GRM7: variants seen among roughly 807,000 people sequenced by gnomAD.
GRM7 encodes glutamate metabotropic receptor 7, also known as metabotropic glutamate receptor 7.
A neutral mutation model predicts 84.5 loss-of-function variants in GRM7; 35 were observed. The observed-to-expected ratio is 0.41, with a 90% CI of 0.32 to 0.55. The LOEUF (loss-of-function observed/expected upper bound fraction) is 0.55. Among genes scored for constraint, GRM7 ranks in the 20% least tolerant of loss-of-function variants. The pLI is 0.19. For synonymous variants in GRM7, 487 were observed against 455.1 expected (o/e 1.07, Z -0.89); for missense variants, 1,003 against 1,194.6 (o/e 0.84, Z 2.36).
intron 1 of GRM7, among the ~76,000 whole-genome samples, chr3:6,895,839 G>A (rs1016781165): frequency 1.8e-4 from 28 of 151,942 alleles, no homozygotes; most frequent in African/African-American, 5.1e-4. Context: ...AAATGAACAT[G>A]TTTTGCTGTT....
intron 1 of GRM7, among the ~76,000 whole-genome samples, chr3:7,139,828 T>C (rs1043400981): frequency 6.6e-6 from 1 of 151,924 alleles, no homozygotes; most frequent in African/African-American, 2.4e-5. Flanking sequence ...TGAGGCTTCA[T>C]CAAACTAAAA....
chr3:7,011,309 T>C (rs1207825127), intron 1 of GRM7, among the ~76,000 whole-genome samples: 1 of 152,178 alleles, frequency 6.6e-6, no homozygotes, highest in East Asian at 1.9e-4. Flanking sequence ...GTAGAAGAGC[T>C]CTCTGTAAAT....
At chr3:7,540,792 C>T (rs1559389985) in intron 7 of GRM7, among the ~76,000 whole-genome samples, 1 of 152,068 alleles carries the variant, frequency 6.6e-6, no homozygotes, top group Non-Finnish European at 1.5e-5. Context: ...TTAATTCATC[C>T]AGCAAGTGAT....
intron 1 of GRM7, among the ~76,000 whole-genome samples, chr3:7,019,166 T>C (rs1226237243): frequency 6.6e-6 from 1 of 152,198 alleles, no homozygotes; most frequent in Non-Finnish European, 1.5e-5. Context: ...TTGCATGAAT[T>C]GTCACAATTT....
chr3:7,564,322 A>C (rs1017341885), intron 7 of GRM7, among the ~76,000 whole-genome samples: 2 of 152,126 alleles, frequency 1.3e-5, no homozygotes, highest in African/African-American at 4.8e-5. Context: ...TACTGTCTCC[A>C]TTTCACAGAT....
At chr3:7,592,798 G>A (rs1484134596) in intron 8 of GRM7, among the ~76,000 whole-genome samples, 6 of 152,036 alleles carry the variant, frequency 3.9e-5, no homozygotes, top group South Asian at 4.2e-4. Context: ...ATATGGAACC[G>A]AGAAACCTTC....
At chr3:7,292,115 T>G (rs1699653219) in intron 2 of GRM7, among the ~76,000 whole-genome samples, 1 of 152,142 alleles carries the variant, frequency 6.6e-6, no homozygotes, top group African/African-American at 2.4e-5. Context: ...TACCCAACCT[T>G]GGGTATGTTT....
At chr3:7,227,626 C>T (rs1284498628) in intron 2 of GRM7, among the ~76,000 whole-genome samples, 1 of 152,158 alleles carries the variant, frequency 6.6e-6, no homozygotes, top group Non-Finnish European at 1.5e-5. Flanking sequence ...ACATAAAGTG[C>T]TTATCATCAT....
intron 8 of GRM7, among the ~76,000 whole-genome samples, chr3:7,613,949 G>T (rs1272893210): frequency 2.0e-5 from 3 of 152,062 alleles, no homozygotes; most frequent in Non-Finnish European, 4.4e-5. Context: ...GAACCTAAAG[G>T]CAGTCATTGG....
intron 6 of GRM7, among the ~76,000 whole-genome samples, chr3:7,458,950 G>A (rs550759099): frequency 2.0e-4 from 31 of 152,176 alleles, no homozygotes; most frequent in Middle Eastern, 3.4e-3. Context: ...TTATATGCTC[G>A]CAAGACTTGT....
intron 8 of GRM7, among the ~76,000 whole-genome samples, chr3:7,658,395 A>G (rs1488120731): frequency 6.6e-6 from 1 of 152,242 alleles, no homozygotes; most frequent in Non-Finnish European, 1.5e-5. Context: ...AATTGGTTCC[A>G]TTGCCATTTT....
intron 4 of GRM7, among the ~76,000 whole-genome samples, chr3:7,406,688 T>C (rs1197508526): frequency 6.6e-6 from 1 of 152,248 alleles, no homozygotes; most frequent in Non-Finnish European, 1.5e-5. Context: ...TTAACTAAAA[T>C]ATTTTAGAAT....
chr3:6,889,970 C>T (rs374919697), intron 1 of GRM7, among the ~76,000 whole-genome samples: 34 of 152,046 alleles, frequency 2.2e-4, no homozygotes, highest in African/African-American at 6.0e-4. Flanking sequence ...GGAGGGTGTA[C>T]GTGTCGAGGA....
chr3:7,121,947 A>G (rs1369276968), intron 1 of GRM7, among the ~76,000 whole-genome samples: 4 of 152,156 alleles, frequency 2.6e-5, no homozygotes, highest in East Asian at 3.9e-4. Context: ...CCATATTACA[A>G]AAGAGAGTTC....
chr3:7,569,173 G>GTCTA (rs1490120580), intron 7 of GRM7, among the ~76,000 whole-genome samples: 8 of 152,188 alleles, frequency 5.3e-5, no homozygotes, highest in African/African-American at 1.9e-4. Flanking sequence ...AGTACCCTGT[G>GTCTA]TCTAGCTCAG....
intron 2 of GRM7, among the ~76,000 whole-genome samples, chr3:7,287,680 C>G (rs1055529571): frequency 1.3e-5 from 2 of 151,964 alleles, no homozygotes; most frequent in African/African-American, 2.4e-5. Flanking sequence ...TATTTGTTTC[C>G]ACTTATTTGC....
intron 8 of GRM7, among the ~76,000 whole-genome samples, chr3:7,675,656 G>A (rs1700090615): frequency 6.6e-6 from 1 of 152,146 alleles, no homozygotes; most frequent in Admixed American, 6.5e-5. Flanking sequence ...ATATTTGCTG[G>A]TACATTTCTA....
intron 1 of GRM7, among the ~76,000 whole-genome samples, chr3:7,011,210 G>A (rs1034742436): frequency 1.3e-5 from 2 of 152,094 alleles, no homozygotes; most frequent in Admixed American, 6.5e-5. Flanking sequence ...TCATATACAC[G>A]TCAGAATGGT....
chr3:7,121,637 T>C (rs1220658822), intron 1 of GRM7, among the ~76,000 whole-genome samples: 1 of 152,132 alleles, frequency 6.6e-6, no homozygotes, highest in African/African-American at 2.4e-5. Context: ...ATTAACTCAT[T>C]CTCAAAGAAG....
Sources: gnomAD v4.1 joint callset for allele counts (sites outside exome capture counted in the v4.1 genomes callset) on GRCh38, gnomAD v4.1.1 for gene constraint, MANE v1.5 for transcripts, NCBI Gene and HGNC (gene_info 2026-07-23, HGNC 2026-07-21) for gene names.